Variants in NOS2 observed in about 807,000 individuals in gnomAD.
NOS2 encodes nitric oxide synthase, inducible.
Under a neutral mutation model 136.0 loss-of-function variants are expected in NOS2, and 96 were observed. The ratio of observed to expected loss-of-function variants is 0.71; its 90% CI spans 0.60 to 0.84. NOS2 has a LOEUF of 0.84. Among genes scored for constraint, NOS2 ranks in the 40% least tolerant of loss-of-function variants. NOS2 has a pLI of 0.00. For missense variants in NOS2, 1,237 were observed against 1,496.9 expected, an observed-to-expected ratio of 0.83 and a Z score of 2.87; for synonymous variants, 539 against 587.5, an observed-to-expected ratio of 0.92 and a Z score of 1.20.
At chr17:27,796,190 C>T (rs1909348469) in intron 2 of NOS2, among the ~76,000 whole-genome samples, 1 of 152,188 alleles carries the variant, frequency 6.6e-6, no homozygotes, top group African/African-American at 2.4e-5. Context: ...CGGTGGCTCA[C>T]ACCTGTAATA....
At chr17:27,774,781 C>T (rs1216500158) in intron 11 of NOS2, among the ~76,000 whole-genome samples, 1 of 152,220 alleles carries the variant, frequency 6.6e-6, no homozygotes, top group Non-Finnish European at 1.5e-5. Context: ...TCTGGATCTG[C>T]ATAACTTAAA....
intron 5 of NOS2, among the ~76,000 whole-genome samples, chr17:27,785,266 C>CTAAA (rs931514367): frequency 1.1e-4 from 16 of 152,036 alleles, no homozygotes; most frequent in South Asian, 8.3e-4. Context: ...GTGCTTTATG[C>CTAAA]TAAATAAATA....
At chr17:27,766,766 G>A (rs4796034) in intron 18 of NOS2, among the ~76,000 whole-genome samples, 178 bp from the exon 19 acceptor site, 103,008 of 151,946 alleles carry the variant, frequency 0.68, 35,412 homozygotes, top group South Asian at 0.84. Context: ...CTTGGTCCAG[G>A]CCGGGCATGG....
In NOS2 at chr17:27,773,364, G is replaced by C. The variant is rs1001088374; in HGVS notation, c.1477-121C>G. The C allele has an allele frequency of 4.1e-5, 29 of 708,460 alleles. No homozygotes were observed. The African/African-American group carries it at 5.2e-4, about 13-fold the overall frequency. The allele number at this position is 708,460 out of a possible 1,614,324, so 43.9% of individuals were successfully genotyped here. On this transcript the variant is annotated intron_variant, in intron 12 of 26. Transcript: ENST00000313735. ...TGAGCCTGGGAGAGAAGGCTGGCCT[G>C]CGCCCCACCCCTGTCACTGAACTCC...
chr17:27,772,281 A>T, intron 14 of NOS2, 27 bp downstream of exon 14: 1 of 1,613,274 alleles, frequency 6.2e-7, no homozygotes, highest in Non-Finnish European at 8.5e-7. Context: ...AGCAGAAAAA[A>T]CAACAGCCAT....
Position 27,763,996 on chromosome 17 carries a change from C to T in NOS2, c.2577G>A (p.Leu859=). 1 of 1,613,490 alleles carries T rather than the reference C, an allele frequency of 6.2e-7. No homozygotes were observed. The highest frequency in any genetic ancestry group is 1.1e-5 in the South Asian group (1 of 90,932). The change falls in exon 21 of 27, where the codon CTG becomes CTA. Residue 859 remains leucine (L), a synonymous_variant. Coordinates refer to ENST00000313735, the MANE Select transcript of NOS2 (RefSeq NM_000625.4). ...TGATCTTCACCTGGCACAGGGCCTC[C>T]AGCCTCTGTCTCTCAGGCTCTTCTG... is the stretch of plus-strand genomic sequence containing the variant. ...VATEEPERQR[L]EALCQPSEYS...
At position 27,778,768 on chromosome 17, in the gene NOS2, C is replaced by T. The variant is rs139727720; in HGVS notation, c.1203G>A (p.Leu401=). 30 of 1,614,046 alleles carry T rather than the reference C, an allele frequency of 1.9e-5. No homozygotes were observed. The highest frequency in any genetic ancestry group is 2.5e-5 in the Non-Finnish European group (30 of 1,180,024). The part of the protein sequence containing the change: ...ILEEVGRRMG[L]ETHKLASLWK... ...AGAGCGAGGCCAGCTTGTGCGTTTC[C>T]AGGCCCATTCTCCTGCCCACTTCCT... Residue 401 remains leucine (L), a synonymous_variant, in exon 11 of 27, where the codon CTG becomes CTA. Transcript: ENST00000313735.
intron 7 of NOS2, 66 bp downstream of exon 7, chr17:27,781,949 G>A: frequency 7.2e-7 from 1 of 1,387,748 alleles, no homozygotes; most frequent in East Asian, 2.3e-5. Context: ...CCCAAGTGCT[G>A]CATCTTTTGG....
At chr17:27,791,372 T>C (rs1909174839) in intron 2 of NOS2, among the ~76,000 whole-genome samples, 1 of 152,194 alleles carries the variant, frequency 6.6e-6, no homozygotes, top group South Asian at 2.1e-4. Context: ...TTAGTCAGTT[T>C]AACAAGAACC....
chr17:27,772,230 G>T lies in NOS2; in HGVS notation c.1704+78C>A. 3.3e-6 allele frequency: 5 copies of T among 1,516,010 alleles called. 1 individual carries two copies. The South Asian group carries it at 4.6e-5, about 14-fold the overall frequency. The allele number at this position is 1,516,010 out of a possible 1,614,324, so 93.9% of individuals were successfully genotyped here. On this transcript the variant is annotated intron_variant, in intron 14 of 26. Coordinates refer to ENST00000313735, the MANE Select transcript of NOS2 (RefSeq NM_000625.4). The stretch of plus-strand genomic sequence containing the variant: ...CCAAGACTCTGAGACATCCAGGAGT[G>T]GGGAAACCGTTTTAACTTTTCCTAG...
intron 12 of NOS2, 143 bp from the exon 13 acceptor site, chr17:27,773,386 C>T (rs1597549874): frequency 3.1e-6 from 2 of 655,726 alleles, no homozygotes; most frequent in African/African-American, 1.8e-5. Flanking sequence ...TGTCACTGAA[C>T]TCCCACAAGG....
chr17:27,769,264 G>T, intron 16 of NOS2, 113 bp from the exon 17 acceptor site: 1 of 1,094,772 alleles, frequency 9.1e-7, no homozygotes, highest in Non-Finnish European at 1.3e-6. Flanking sequence ...TCCAGCTGGA[G>T]AATGGAGCTG....
At chr17:27,778,595 A>AG (rs1908735744) in intron 11 of NOS2, 95 bp downstream of exon 11, 1 of 981,662 alleles carries the variant, frequency 1.0e-6, no homozygotes, top group Admixed American at 1.7e-5. Context: ...AGAGTGAGCA[A>AG]GGGGGCTTAC....
intron 18 of NOS2, 106 bp downstream of exon 18, chr17:27,767,599 A>G: frequency 7.4e-7 from 1 of 1,358,996 alleles, no homozygotes; most frequent in Non-Finnish European, 9.9e-7. Flanking sequence ...GGAGGCCCCG[A>G]GGCCAGCTGT....
intron 12 of NOS2, 112 bp downstream of exon 12, chr17:27,774,145 T>C: frequency 1.3e-6 from 1 of 744,526 alleles, no homozygotes. Context: ...TCTAACAACA[T>C]ACTCCTGCTT....
chr17:27,773,971 C>A (rs1908580253), intron 12 of NOS2, among the ~76,000 whole-genome samples: 1 of 152,192 alleles, frequency 6.6e-6, no homozygotes, highest in African/African-American at 2.4e-5. Context: ...CAACACTCTG[C>A]TGAGTGACTG....
chr17:27,781,816 T>A lies in NOS2; in HGVS notation c.722+199A>T, dbSNP rs28999369. 5.3e-5 allele frequency among the ~76,000 whole-genome samples: 8 copies of A among 152,300 alleles called. No individual in the cohort carries two copies. The East Asian group carries it at 1.5e-3, about 29-fold the overall frequency. On this transcript the variant is annotated intron_variant, in intron 7 of 26. Coordinates refer to ENST00000313735, the MANE Select transcript of NOS2 (RefSeq NM_000625.4). ...ATCAGAAGGAAACCAAGGGCATGGG[T>A]TGCCGATGGGAGCTGAGCTCACAGG... is the stretch of plus-strand genomic sequence containing the variant.
chr17:27,787,613 T>C (rs1468298158), intron 5 of NOS2, 65 bp downstream of exon 5: 3 of 1,208,698 alleles, frequency 2.5e-6, no homozygotes, highest in African/African-American at 1.5e-5. Flanking sequence ...CAGAGGGTGA[T>C]GGGTAGAGAC....
At chr17:27,781,843 G>T (rs1239424521) in intron 7 of NOS2, among the ~76,000 whole-genome samples, 172 bp downstream of exon 7, 1 of 152,136 alleles carries the variant, frequency 6.6e-6, no homozygotes, top group Non-Finnish European at 1.5e-5. Context: ...GCTCACAGGG[G>T]CTGGGCTCAC....
Sources: allele counts gnomAD v4.1 joint callset (sites outside exome capture counted in the v4.1 genomes callset), GRCh38; gene constraint gnomAD v4.1.1; transcripts MANE v1.5; gene names NCBI Gene and HGNC (gene_info 2026-07-23, HGNC 2026-07-21).